CPNE4: variants seen among roughly 807,000 people sequenced by gnomAD.
The protein encoded by CPNE4 is copine 4.
A neutral mutation model predicts 67.9 loss-of-function variants in CPNE4; 25 were observed. The observed-to-expected ratio is 0.37, with a 90% CI of 0.27 to 0.51. The LOEUF is 0.51. Among genes scored for constraint, CPNE4 ranks in the 20% least tolerant of loss-of-function variants. The probability of loss-of-function intolerance (pLI) is 0.93; values close to 1 mark genes in which losing one functional copy is unlikely to be tolerated. For missense variants in CPNE4, 464 were observed against 690.8 expected (o/e 0.67, Z 3.68); for synonymous variants, 242 against 244.9 (o/e 0.99, Z 0.11).
chr3:131,815,971 A>T (rs1261570652), intron 2 of CPNE4, among the ~76,000 whole-genome samples: 1 of 152,200 alleles, frequency 6.6e-6, no homozygotes, highest in African/African-American at 2.4e-5. Flanking sequence ...AGGGACTATT[A>T]TCCTTGCTTT....
intron 2 of CPNE4, among the ~76,000 whole-genome samples, chr3:131,811,514 C>T (rs1052905148): frequency 6.6e-6 from 1 of 152,066 alleles, no homozygotes; most frequent in African/African-American, 2.4e-5. Flanking sequence ...AGAAAAGTCA[C>T]CTAGTACGAA....
At chr3:131,635,507 T>TA (rs1249328715) in intron 7 of CPNE4, among the ~76,000 whole-genome samples, 1 of 152,196 alleles carries the variant, frequency 6.6e-6, no homozygotes, top group African/African-American at 2.4e-5. Flanking sequence ...GTAAATTCAT[T>TA]AAAATTAAAT....
chr3:131,595,291 A>G (rs1326443328), intron 7 of CPNE4, among the ~76,000 whole-genome samples: 1 of 152,250 alleles, frequency 6.6e-6, no homozygotes, highest in Admixed American at 6.5e-5. Flanking sequence ...CATTGTTCAC[A>G]ATAGCTGAGG....
chr3:131,567,025 C>T (rs543683887), intron 10 of CPNE4, among the ~76,000 whole-genome samples: 1 of 152,048 alleles, frequency 6.6e-6, no homozygotes, highest in East Asian at 1.9e-4. Flanking sequence ...TGCCTTCCAT[C>T]ATGGGTCACC....
chr3:131,590,333 G>A (rs1354500538), intron 7 of CPNE4, among the ~76,000 whole-genome samples: 1 of 152,106 alleles, frequency 6.6e-6, no homozygotes, highest in Non-Finnish European at 1.5e-5. Context: ...ATCTAGGGGT[G>A]GAACTCTACA....
At chr3:131,546,080 C>CACACAAAAAA (rs1300066566) in intron 14 of CPNE4, among the ~76,000 whole-genome samples, 1 of 151,946 alleles carries the variant, frequency 6.6e-6, no homozygotes, top group African/African-American at 2.4e-5. Flanking sequence ...AAAAACCACA[C>CACACAAAAAA]ACACAAAAAA....
chr3:131,921,916 C>G (rs561009307), intron 1 of CPNE4, among the ~76,000 whole-genome samples: 20 of 152,210 alleles, frequency 1.3e-4, no homozygotes, highest in Non-Finnish European at 2.4e-4. Flanking sequence ...ATCAAGCAGG[C>G]TCTTTTTGAT....
intron 2 of CPNE4, among the ~76,000 whole-genome samples, chr3:131,771,476 G>A (rs951407118): frequency 1.3e-5 from 2 of 152,066 alleles, no homozygotes; most frequent in Admixed American, 1.3e-4. Context: ...TTGCTACTCT[G>A]TAACTTCCCA....
chr3:131,569,637 C>CA (rs1233354758), intron 10 of CPNE4, among the ~76,000 whole-genome samples: 1 of 98,496 alleles, frequency 1.0e-5, no homozygotes, highest in African/African-American at 3.4e-5. Flanking sequence ...GACCCTGTTT[C>CA]AAAAAACAAA....
At chr3:131,707,726 A>G (rs769233853) in intron 3 of CPNE4, among the ~76,000 whole-genome samples, 1 of 152,148 alleles carries the variant, frequency 6.6e-6, no homozygotes. Flanking sequence ...AAAGAAATTC[A>G]CACTCACTCT....
chr3:131,574,554 C>T (rs1008185705), intron 10 of CPNE4, among the ~76,000 whole-genome samples: 5 of 152,084 alleles, frequency 3.3e-5, no homozygotes, highest in African/African-American at 4.8e-5. Flanking sequence ...CAACCTTGAC[C>T]TCGGCCTGGT....
chr3:131,981,540 G>A (rs2072909490), intron 1 of CPNE4, among the ~76,000 whole-genome samples: 1 of 152,132 alleles, frequency 6.6e-6, no homozygotes, highest in African/African-American at 2.4e-5. Context: ...CACTCCAAAG[G>A]GCTTGGTTCT....
chr3:132,013,445 G>A (rs984448446), intron 1 of CPNE4, among the ~76,000 whole-genome samples: 5 of 152,080 alleles, frequency 3.3e-5, no homozygotes, highest in Non-Finnish European at 5.9e-5. Context: ...CTGCTCATCC[G>A]TAACCAATAG....
At chr3:131,824,466 T>C (rs2085080061) in intron 2 of CPNE4, among the ~76,000 whole-genome samples, 1 of 152,100 alleles carries the variant, frequency 6.6e-6, no homozygotes, top group African/African-American at 2.4e-5. Context: ...ATGATGAAAA[T>C]ACAGCATGAC....
At chr3:131,946,334 T>C (rs545591768) in intron 1 of CPNE4, among the ~76,000 whole-genome samples, 12 of 152,232 alleles carry the variant, frequency 7.9e-5, no homozygotes, top group Non-Finnish European at 1.5e-4. Context: ...TTCATTCCGA[T>C]TGTAGCATGT....
intron 1 of CPNE4, among the ~76,000 whole-genome samples, chr3:131,994,968 C>T (rs1583572968): frequency 6.6e-6 from 1 of 152,096 alleles, no homozygotes; most frequent in African/African-American, 2.4e-5. Context: ...TTTTAAGGTG[C>T]CTCTCTTCCT....
At position 132,028,245 on chromosome 3, in the gene CPNE4, A is replaced by C. The variant is rs558373652; in HGVS notation, c.-2+6322T>G. Among the ~76,000 whole-genome samples, 9 of 152,324 alleles carry C rather than the reference A, an allele frequency of 5.9e-5. No homozygotes were observed. The South Asian group carries it at 1.9e-3, about 32-fold the overall frequency. On this transcript the variant is annotated intron_variant, in intron 1 of 15. Transcript: ENST00000429747. Reference sequence around the variant, plus strand: ...CTTGAAATACAGGGAGAGGAAAAACACCTTAGTATAACAGGACTTGTAAAG... The same window carrying C: ...CTTGAAATACAGGGAGAGGAAAAACCCCTTAGTATAACAGGACTTGTAAAG...
chr3:131,814,569 G>A (rs2084657465), intron 2 of CPNE4, among the ~76,000 whole-genome samples: 1 of 101,990 alleles, frequency 9.8e-6, no homozygotes, highest in African/African-American at 3.9e-5. Flanking sequence ...ATATTGAAAT[G>A]CAATTTTTTT....
At chr3:131,948,239 T>A (rs547808471) in intron 1 of CPNE4, among the ~76,000 whole-genome samples, 1 of 152,242 alleles carries the variant, frequency 6.6e-6, no homozygotes, top group African/African-American at 2.4e-5. Context: ...GTGGAGGTAA[T>A]TGGATCACGG....
Sources: gnomAD v4.1 joint callset for allele counts (sites outside exome capture counted in the v4.1 genomes callset) on GRCh38, gnomAD v4.1.1 for gene constraint, MANE v1.5 for transcripts, NCBI Gene and HGNC (gene_info 2026-07-23, HGNC 2026-07-21) for gene names.